The following THRB variants were observed in gnomAD, a reference collection of about 807,000 sequenced individuals.
THRB encodes thyroid hormone receptor beta, also known as nuclear receptor subfamily 1 group A member 2.
In THRB, 12 loss-of-function variants were observed where a neutral mutation model predicts 47.8. That is an observed-to-expected ratio of 0.25 (90% CI 0.16 to 0.41). The LOEUF is 0.41. Among genes scored for constraint, THRB ranks in the 10% least tolerant of loss-of-function variants. The pLI, the probability that THRB is intolerant of heterozygous loss-of-function variation, is 1.00. For missense variants in THRB, 348 were observed against 589.2 expected (o/e 0.59, Z 4.24); for synonymous variants, 218 against 212.2 (o/e 1.03, Z -0.24).
At chr3:24,199,974 A>G (rs2044402170) in intron 4 of THRB, among the ~76,000 whole-genome samples, 1 of 152,190 alleles carries the variant, frequency 6.6e-6, no homozygotes, top group Admixed American at 6.5e-5. Context: ...GACACAATGG[A>G]ATCCTCCCCC....
At chr3:24,126,927 C>T (rs929545383) in intron 10 of THRB, among the ~76,000 whole-genome samples, 4 of 152,188 alleles carry the variant, frequency 2.6e-5, no homozygotes, top group Admixed American at 2.0e-4. Flanking sequence ...AATCAACAGC[C>T]AAGTAAGAAG....
At chr3:24,332,652 A>G (rs989751915) in intron 2 of THRB, among the ~76,000 whole-genome samples, 5 of 152,232 alleles carry the variant, frequency 3.3e-5, no homozygotes, top group African/African-American at 1.2e-4. Flanking sequence ...CAGAGAATAA[A>G]AATAATATAC....
At chr3:24,287,388 G>A (rs993890055) in intron 3 of THRB, among the ~76,000 whole-genome samples, 2 of 152,154 alleles carry the variant, frequency 1.3e-5, no homozygotes, top group Admixed American at 1.3e-4. Context: ...ATTTTTATGT[G>A]CATTATTTTA....
chr3:24,461,821 C>T (rs1020380203), intron 1 of THRB, among the ~76,000 whole-genome samples: 11 of 152,078 alleles, frequency 7.2e-5, no homozygotes, highest in Non-Finnish European at 1.3e-4. Flanking sequence ...AACATCTTAG[C>T]GTTAAAAATC....
chr3:24,169,662 A>C (rs1409309741), intron 5 of THRB, among the ~76,000 whole-genome samples: 2 of 148,160 alleles, frequency 1.3e-5, no homozygotes, highest in Non-Finnish European at 3.0e-5. Flanking sequence ...AATTATATAT[A>C]CATAATAATT....
intron 4 of THRB, among the ~76,000 whole-genome samples, chr3:24,201,582 G>A (rs2044604035): frequency 6.6e-6 from 1 of 152,184 alleles, no homozygotes; most frequent in Admixed American, 6.5e-5. Context: ...TGTTAAACAT[G>A]TGGTTACCCA....
At chr3:24,270,428 A>C (rs1190421933) in intron 3 of THRB, among the ~76,000 whole-genome samples, 1 of 152,244 alleles carries the variant, frequency 6.6e-6, no homozygotes, top group Non-Finnish European at 1.5e-5. Flanking sequence ...AATTATCAAA[A>C]TAACAAGAAT....
At chr3:24,265,745 GATT>G (rs907168952) in intron 3 of THRB, among the ~76,000 whole-genome samples, 1 of 152,074 alleles carries the variant, frequency 6.6e-6, no homozygotes, top group African/African-American at 2.4e-5. Context: ...TCCAATCGTA[GATT>G]ATTTGAGTGT....
At chr3:24,201,263 T>A (rs1416526410) in intron 4 of THRB, among the ~76,000 whole-genome samples, 1 of 151,950 alleles carries the variant, frequency 6.6e-6, no homozygotes, top group African/African-American at 2.4e-5. Flanking sequence ...GGAGAGGGGG[T>A]CTGGCAGTGA....
At chr3:24,235,247 C>T (rs1025989478) in intron 3 of THRB, among the ~76,000 whole-genome samples, 31 of 152,294 alleles carry the variant, frequency 2.0e-4, no homozygotes, top group Non-Finnish European at 3.5e-4. Flanking sequence ...AACTCCAGCA[C>T]GCTTGCCCTG....
At chr3:24,241,415 C>T (rs897545919) in intron 3 of THRB, among the ~76,000 whole-genome samples, 1 of 152,198 alleles carries the variant, frequency 6.6e-6, no homozygotes, top group African/African-American at 2.4e-5. Context: ...CTACTGTCCT[C>T]TTAACCCTAC....
intron 2 of THRB, among the ~76,000 whole-genome samples, chr3:24,311,101 TACTC>T (rs2057726036): frequency 6.6e-6 from 1 of 152,100 alleles, no homozygotes; most frequent in South Asian, 2.1e-4. Flanking sequence ...CCTAGACACT[TACTC>T]ACCCAAAATG....
chr3:24,149,639 C>T (rs2036611708), intron 6 of THRB, among the ~76,000 whole-genome samples: 1 of 152,164 alleles, frequency 6.6e-6, no homozygotes, highest in Non-Finnish European at 1.5e-5. Flanking sequence ...TGGACCAAAT[C>T]CTTTTAAAGA....
intron 5 of THRB, chr3:24,164,888 CCT>C: frequency 1.7e-6 from 1 of 592,990 alleles, no homozygotes; most frequent in Non-Finnish European, 3.0e-6. Flanking sequence ...CCTAGCAACC[CCT>C]CTTACTGCCG....
chr3:24,421,579 G>GT (rs1465561616), intron 1 of THRB, among the ~76,000 whole-genome samples: 1 of 151,800 alleles, frequency 6.6e-6, no homozygotes, highest in East Asian at 2.0e-4. Flanking sequence ...CCAATAGGTT[G>GT]TATGTATGAC....
chr3:24,203,896 G>A (rs2044934496), intron 4 of THRB, among the ~76,000 whole-genome samples: 1 of 152,256 alleles, frequency 6.6e-6, no homozygotes. Context: ...CGCCCACGGA[G>A]CCTTGCTCAT....
rs1043844523 is a variant in THRB, at chr3:24,368,968, T to C, written c.-260-31597A>G. 9.2e-5 allele frequency among the ~76,000 whole-genome samples: 14 copies of C among 152,304 alleles called. 1 individual carries two copies. In the South Asian group the frequency reaches 2.3e-3, roughly 25 times the overall value. ...ATAAACAGTGATCATATATTACTTG[T>C]TGCACAGATGAGTTGTAAATATGTA... On this transcript the variant is annotated intron_variant, in intron 1 of 10. Transcript: ENST00000646209.
At chr3:24,150,959 T>TTCAAGTTTTATTGAAACTACAG (rs2036831794) in intron 6 of THRB, among the ~76,000 whole-genome samples, 1 of 152,176 alleles carries the variant, frequency 6.6e-6, no homozygotes, top group South Asian at 2.1e-4. Context: ...TAAAACTACT[T>TTCAAGTTTTATTGAAACTACAG]TCAAGAGACT....
chr3:24,483,524 T>G (rs906119281), intron 1 of THRB, among the ~76,000 whole-genome samples: 3 of 150,132 alleles, frequency 2.0e-5, no homozygotes, highest in African/African-American at 7.3e-5. Flanking sequence ...ATGTTAATAA[T>G]GTGCTGATAA....
Sources: allele counts gnomAD v4.1 joint callset (sites outside exome capture counted in the v4.1 genomes callset), GRCh38; gene constraint gnomAD v4.1.1; transcripts MANE v1.5; gene names NCBI Gene and HGNC (gene_info 2026-07-23, HGNC 2026-07-21).